The following SI variants were observed in gnomAD, a reference collection of about 807,000 sequenced individuals.
The protein encoded by SI is sucrase-isomaltase, intestinal.
In SI, 235 loss-of-function variants were observed where a neutral mutation model predicts 253.3. The ratio of observed to expected loss-of-function variants is 0.93; its 90% CI spans 0.83 to 1.03. The LOEUF is 1.03. Ranked by LOEUF, SI falls within the 50% of genes least tolerant of loss-of-function variation. The pLI, the probability that SI is intolerant of heterozygous loss-of-function variation, is 0.00. For synonymous variants in SI, 819 were observed against 712.0 expected, an observed-to-expected ratio of 1.15 and a Z score of -2.39; for missense variants, 2,442 against 2,211.1, an observed-to-expected ratio of 1.10 and a Z score of -2.09.
intron 20 of SI, 82 bp downstream of exon 20, chr3:165,038,996 G>T: frequency 1.2e-6 from 1 of 863,404 alleles, no homozygotes; most frequent in Non-Finnish European, 1.9e-6. Flanking sequence ...ATGTAGTTAA[G>T]TTTCTATGGA....
In SI at chr3:164,991,430, A is replaced by G; in HGVS notation, c.5031T>C (p.Ser1677=). Residue 1677 remains serine (S), a synonymous_variant, in exon 44 of 48, where the codon TCT becomes TCC. Coordinates refer to ENST00000264382, the MANE Select transcript of SI (RefSeq NM_001041.4). The stretch of plus-strand genomic sequence containing the variant: ...GGACATGTAGGTTTATTGTGTCATA[A>G]GAAGCATTAAATGTTTGAAATTGTC... ...VRGQFQTFNA[S]YDTINLHVRG... The G allele has an allele frequency of 1.9e-6, 3 of 1,613,556 alleles. No homozygotes were observed. Among genetic ancestry groups the G allele is most frequent in the Non-Finnish European group, 2.5e-6 (3 of 1,179,594 alleles).
At position 165,036,376 on chromosome 3, in the gene SI, C is replaced by T; in HGVS notation, c.2515+13G>A. The T allele has an allele frequency of 6.3e-7, 1 of 1,583,060 alleles. No individual in the cohort carries two copies. The highest frequency in any genetic ancestry group is 1.1e-5 in the South Asian group (1 of 90,482). ...CAGAGTGAACATTTAAAGCGTATTA[C>T]TTTCAGACTTACCTTTAGTTTCTCC... On this transcript the variant is annotated intron_variant, in intron 22 of 47. Coordinates refer to ENST00000264382, the MANE Select transcript of SI (RefSeq NM_001041.4).
At position 165,008,277 on chromosome 3, in the gene SI, A is replaced by T. The variant is rs189110271; in HGVS notation, c.4180-279T>A. 3.9e-4 allele frequency among the ~76,000 whole-genome samples: 60 copies of T among 152,066 alleles called. 1 individual carries two copies. Among genetic ancestry groups the T allele is most frequent in the Non-Finnish European group, 1.5e-4 (10 of 67,874 alleles). On this transcript the variant is annotated intron_variant, in intron 35 of 47. Coordinates refer to ENST00000264382, the MANE Select transcript of SI (RefSeq NM_001041.4). ...TATTTTCATATCTTTAAGACATAGCATTATAATAATATGTGCCCTATCATC... is the reference window on the plus strand; with the variant it reads ...TATTTTCATATCTTTAAGACATAGCTTTATAATAATATGTGCCCTATCATC...
chr3:165,035,087 G>A (rs528830737), intron 22 of SI, among the ~76,000 whole-genome samples: 341 of 151,992 alleles, frequency 2.2e-3, no homozygotes, highest in Middle Eastern at 6.8e-3. Flanking sequence ...ACTGACAAAG[G>A]GAACACGATA....
chr3:165,033,052 T>C (rs1712334136), intron 23 of SI, among the ~76,000 whole-genome samples: 1 of 151,326 alleles, frequency 6.6e-6, no homozygotes, highest in African/African-American at 2.4e-5. Flanking sequence ...TAAACCAAAA[T>C]CCACACCAAT....
intron 17 of SI, 32 bp from the exon 18 acceptor site, chr3:165,041,126 A>C (rs757027898): frequency 6.2e-7 from 1 of 1,602,176 alleles, no homozygotes; most frequent in South Asian, 1.1e-5. Context: ...TAAAATAAGA[A>C]AGCTAAAGTA....
In SI at chr3:164,996,779, AAGTT is replaced by A. The variant is rs758042047; in HGVS notation, c.4541-11_4541-8del. On this transcript the variant is annotated splice_polypyrimidine_tract_variant and splice_region_variant and intron_variant, in intron 38 of 47. Coordinates refer to ENST00000264382, the MANE Select transcript of SI (RefSeq NM_001041.4). Reference sequence around the variant, plus strand: ...AGACTAAATTCCATCATACCTGAAAAAGTTAGAAAAAATATCTTAGAAAGTTATT... The same window carrying A: ...AGACTAAATTCCATCATACCTGAAAAAGAAAAAATATCTTAGAAAGTTATT... 2.0e-6 allele frequency: 2 copies of A among 1,002,436 alleles called. No homozygotes were observed. Among genetic ancestry groups the A allele is most frequent in the East Asian group, 5.3e-5 (2 of 37,994 alleles). 62.1% of individuals were successfully genotyped at this position (1,002,436 alleles called of 1,614,324 possible).
At chr3:164,990,308 A>G (rs886984014) in intron 44 of SI, among the ~76,000 whole-genome samples, 1 of 152,180 alleles carries the variant, frequency 6.6e-6, no homozygotes, top group Admixed American at 6.6e-5. Context: ...GATCTTCCAC[A>G]TGTCAGAAAC....
chr3:165,054,633 G>T (rs774085858), intron 13 of SI, among the ~76,000 whole-genome samples: 2 of 152,112 alleles, frequency 1.3e-5, no homozygotes, highest in Non-Finnish European at 2.9e-5. Context: ...GGGATTACAT[G>T]CATGAGCCAT....
In SI at chr3:165,030,713, G is replaced by A. The variant is rs369115304; in HGVS notation, c.2891C>T (p.Thr964Met). The A allele has an allele frequency of 2.9e-5, 47 of 1,607,106 alleles. No homozygotes were observed. The highest frequency in any genetic ancestry group is 1.7e-4 in the Middle Eastern group (1 of 5,856). The change falls in exon 25 of 48, where the codon ACG becomes ATG. Residue 964 changes from threonine (T) to methionine (M), a missense_variant and splice_region_variant. Coordinates refer to ENST00000264382, the MANE Select transcript of SI (RefSeq NM_001041.4). ...AGTAATAGTTAAAATTATTATTACC[G>A]TTCTCCATACACAGCCACGTTGTGT... The part of the protein sequence containing the change: ...KCTQRGCVWR[T>M]GSSLSKAPEC...
intron 21 of SI, among the ~76,000 whole-genome samples, chr3:165,036,742 A>G (rs929559519): frequency 1.3e-5 from 2 of 151,888 alleles, no homozygotes; most frequent in Non-Finnish European, 2.9e-5. Context: ...GAAGGCTGAG[A>G]TACTTGCAAA....
intron 24 of SI, among the ~76,000 whole-genome samples, chr3:165,031,792 C>A (rs1576897578): frequency 6.6e-6 from 1 of 150,854 alleles, no homozygotes; most frequent in Non-Finnish European, 1.5e-5. Flanking sequence ...ATACTACAGT[C>A]TCTTTTTTAA....
At chr3:165,048,385 A>G (rs886478313) in intron 15 of SI, among the ~76,000 whole-genome samples, 1 of 151,512 alleles carries the variant, frequency 6.6e-6, no homozygotes, top group African/African-American at 2.4e-5. Context: ...CATTTTAATT[A>G]AAATACTTCT....
chr3:164,989,436 G>GAAA (rs1359130297), intron 44 of SI, among the ~76,000 whole-genome samples: 2 of 140,650 alleles, frequency 1.4e-5, no homozygotes, highest in Non-Finnish European at 3.1e-5. Context: ...AAGAAAGAAA[G>GAAA]GAAAGAAAGA....
intron 13 of SI, among the ~76,000 whole-genome samples, chr3:165,053,336 CTA>C (rs1713527142): frequency 6.6e-6 from 1 of 151,898 alleles, no homozygotes; most frequent in African/African-American, 2.4e-5. Flanking sequence ...AATTATAAAA[CTA>C]TTTTTATACT....
At position 165,015,195 on chromosome 3, in the gene SI, A is replaced by T. The variant is rs753493185; in HGVS notation, c.3927T>A (p.Pro1309=). 4 of 1,613,486 alleles carry T rather than the reference A, an allele frequency of 2.5e-6. No homozygotes were observed. The highest frequency in any genetic ancestry group is 3.4e-6 in the Non-Finnish European group (4 of 1,179,622). ...CATTCTGCTGTCCTCTTTCAAATGC[A>T]GGGTAAGTCTTTGTTTCATTTCCTG... ...AISGNETKTY[P]AFERGQQNDV... Residue 1309 remains proline (P), a synonymous_variant, in exon 33 of 48, where the codon CCT becomes CCA. Transcript: ENST00000264382.
chr3:164,996,051 C>A (rs1717994853), intron 40 of SI, among the ~76,000 whole-genome samples: 1 of 151,726 alleles, frequency 6.6e-6, no homozygotes. Flanking sequence ...CTTTCAAATT[C>A]TTTCAAACGT....
intron 44 of SI, among the ~76,000 whole-genome samples, chr3:164,989,598 A>T (rs537221917): frequency 2.0e-5 from 3 of 152,174 alleles, no homozygotes; most frequent in African/African-American, 7.2e-5. Flanking sequence ...CTACATTTTC[A>T]TGTACTATAA....
intron 45 of SI, among the ~76,000 whole-genome samples, chr3:164,986,579 A>AAGCCTGAG (rs2108115732): frequency 6.6e-6 from 1 of 152,278 alleles, no homozygotes; most frequent in East Asian, 1.9e-4. Context: ...CCTAAGAATA[A>AAGCCTGAG]AGCCTGAGAG....
Sources: allele counts gnomAD v4.1 joint callset (sites outside exome capture counted in the v4.1 genomes callset), GRCh38; gene constraint gnomAD v4.1.1; transcripts MANE v1.5; gene names NCBI Gene and HGNC (gene_info 2026-07-23, HGNC 2026-07-21).